The following FAM13A variants were observed in gnomAD, a reference collection of about 807,000 sequenced individuals.
The protein encoded by FAM13A is family with sequence similarity 13 member A.
FAM13A carries 76 observed loss-of-function variants against 129.6 expected under a neutral mutation model. The ratio of observed to expected loss-of-function variants is 0.59; its 90% CI spans 0.49 to 0.71. The LOEUF (loss-of-function observed/expected upper bound fraction) is 0.71, where lower values mean the gene tolerates loss of function less well. Ranked by LOEUF, FAM13A falls within the 30% of genes least tolerant of loss-of-function variation. The probability of loss-of-function intolerance (pLI) is 0.00; values close to 1 mark genes in which losing one functional copy is unlikely to be tolerated. For synonymous variants in FAM13A, 443 were observed against 449.9 expected (o/e 0.98, Z 0.20); for missense variants, 1,108 against 1,249.3 (o/e 0.89, Z 1.70).
intron 3 of FAM13A, among the ~76,000 whole-genome samples, chr4:89,015,911 T>C (rs1009593072): frequency 2.6e-5 from 4 of 152,162 alleles, no homozygotes; most frequent in African/African-American, 7.2e-5. Flanking sequence ...CATATACATA[T>C]ACATACATAT....
At chr4:88,804,077 A>C (rs1310417349) in intron 8 of FAM13A, among the ~76,000 whole-genome samples, 4 of 151,628 alleles carry the variant, frequency 2.6e-5, no homozygotes, top group Admixed American at 2.6e-4. Flanking sequence ...CAAGATGGTG[A>C]AACCCTGTTC....
At chr4:89,012,617 AAC>A (rs548646165) in intron 3 of FAM13A, among the ~76,000 whole-genome samples, 2 of 152,214 alleles carry the variant, frequency 1.3e-5, no homozygotes, top group Non-Finnish European at 2.9e-5. Context: ...AATGAATTTA[AAC>A]AGTTTTCTCC....
chr4:88,945,958 T>G (rs1755673894), intron 4 of FAM13A, among the ~76,000 whole-genome samples: 3 of 94,138 alleles, frequency 3.2e-5, no homozygotes, highest in East Asian at 2.5e-4. Context: ...TATACACACA[T>G]AGTATCTGTG....
At chr4:88,791,232 C>T (rs1725073737) in intron 8 of FAM13A, among the ~76,000 whole-genome samples, 1 of 152,160 alleles carries the variant, frequency 6.6e-6, no homozygotes, top group Non-Finnish European at 1.5e-5. Flanking sequence ...AATGTGTCAG[C>T]TTAACATCTA....
At chr4:88,855,226 CT>C (rs1738290836) in intron 6 of FAM13A, 2 of 151,978 alleles carry the variant, frequency 1.3e-5, no homozygotes, top group Admixed American at 1.3e-4. Flanking sequence ...TTTCTTTTTT[CT>C]TTTTTGGGTA....
intron 3 of FAM13A, among the ~76,000 whole-genome samples, chr4:89,007,170 G>C (rs1043275265): frequency 6.6e-5 from 10 of 152,104 alleles, no homozygotes; most frequent in African/African-American, 2.4e-4. Context: ...TGCCTACAAA[G>C]TTTGACACAT....
chr4:88,867,607 G>A (rs757844291), intron 6 of FAM13A, among the ~76,000 whole-genome samples: 4 of 152,158 alleles, frequency 2.6e-5, no homozygotes, highest in East Asian at 3.8e-4. Flanking sequence ...GAGCGCGTAG[G>A]CAAATTCACA....
Position 88,896,700 on chromosome 4 carries a change from G to C in FAM13A, c.843+9679C>G, listed in dbSNP as rs1746395091. 2.6e-5 allele frequency among the ~76,000 whole-genome samples: 4 copies of C among 152,240 alleles called. No homozygotes were observed. In the South Asian group the frequency reaches 6.2e-4, roughly 24 times the overall value. On this transcript the variant is annotated intron_variant, in intron 6 of 23. Transcript: ENST00000264344. ...GCTTCTACTCCATAACTGTTTGCTT[G>C]ACAACTATACTTCTTTATCCCGCAT...
chr4:88,757,027 C>G (rs1578512904), intron 14 of FAM13A, among the ~76,000 whole-genome samples: 1 of 152,054 alleles, frequency 6.6e-6, no homozygotes, highest in African/African-American at 2.4e-5. Context: ...TGAAATGCAA[C>G]ATATTTTTTT....
At chr4:88,775,473 G>A (rs1409730321) in intron 11 of FAM13A, among the ~76,000 whole-genome samples, 1 of 152,124 alleles carries the variant, frequency 6.6e-6, no homozygotes, top group Non-Finnish European at 1.5e-5. Flanking sequence ...GGAGGCTGAG[G>A]TGGGAGGATC....
At chr4:88,967,446 G>A (rs185906053) in intron 4 of FAM13A, among the ~76,000 whole-genome samples, 117 of 152,290 alleles carry the variant, frequency 7.7e-4, no homozygotes, top group African/African-American at 2.7e-3. Context: ...CTGCAGTCTA[G>A]ATAAAATACA....
chr4:88,832,507 T>C (rs1248024795), intron 7 of FAM13A, among the ~76,000 whole-genome samples: 1 of 151,948 alleles, frequency 6.6e-6, no homozygotes, highest in African/African-American at 2.4e-5. Context: ...GGTCTAATAT[T>C]GAGTCTACGA....
chr4:89,006,421 G>C (rs1375340186), intron 3 of FAM13A, among the ~76,000 whole-genome samples: 1 of 152,178 alleles, frequency 6.6e-6, no homozygotes, highest in Admixed American at 6.5e-5. Flanking sequence ...CTGCTATTGA[G>C]AGGGAAGAAT....
chr4:88,824,371 G>T (rs1732609510), intron 7 of FAM13A, among the ~76,000 whole-genome samples: 1 of 151,846 alleles, frequency 6.6e-6, no homozygotes, highest in South Asian at 2.1e-4. Flanking sequence ...TAGAACACAA[G>T]GTCCTATTTA....
intron 5 of FAM13A, among the ~76,000 whole-genome samples, chr4:88,923,379 G>A (rs1425017599): frequency 6.6e-6 from 1 of 152,280 alleles, no homozygotes; most frequent in Non-Finnish European, 1.5e-5. Flanking sequence ...TCATCCCTGG[G>A]ATGCAAGGCT....
chr4:88,895,862 C>T (rs1368570881), intron 6 of FAM13A, among the ~76,000 whole-genome samples: 5 of 139,784 alleles, frequency 3.6e-5, no homozygotes, highest in South Asian at 2.5e-4. Flanking sequence ...GTCAGTGTGG[C>T]GATTCCTCAG....
At chr4:89,034,277 A>T (rs2149139595) in intron 1 of FAM13A, among the ~76,000 whole-genome samples, 1 of 152,312 alleles carries the variant, frequency 6.6e-6, no homozygotes, top group South Asian at 2.1e-4. Context: ...AGAGGACAAG[A>T]ACAGACACTT....
chr4:88,973,310 C>T (rs375742083), intron 4 of FAM13A, among the ~76,000 whole-genome samples: 3 of 151,964 alleles, frequency 2.0e-5, no homozygotes, highest in African/African-American at 7.3e-5. Flanking sequence ...TACAATTATA[C>T]CACAGTAATT....
chr4:88,781,887 G>A (rs563081391), intron 10 of FAM13A, among the ~76,000 whole-genome samples: 138 of 150,990 alleles, frequency 9.1e-4, no homozygotes, highest in Non-Finnish European at 1.6e-3. Flanking sequence ...TATACCTAAT[G>A]CTAAATGACG....
Sources: gnomAD v4.1 joint callset for allele counts (sites outside exome capture counted in the v4.1 genomes callset) on GRCh38, gnomAD v4.1.1 for gene constraint, MANE v1.5 for transcripts, NCBI Gene and HGNC (gene_info 2026-07-23, HGNC 2026-07-21) for gene names.